PALLD: variants seen among roughly 807,000 people sequenced by gnomAD.
PALLD encodes palladin.
Under a neutral mutation model 123.5 loss-of-function variants are expected in PALLD, and 61 were observed. The observed-to-expected ratio is 0.49, with a 90% CI of 0.40 to 0.61. The LOEUF (loss-of-function observed/expected upper bound fraction) is 0.61, where lower values mean the gene tolerates loss of function less well. PALLD is among the 20% of genes least tolerant of loss of function. PALLD has a pLI of 0.00. For missense variants in PALLD, 1,273 were observed against 1,377.0 expected (o/e 0.92, Z 1.20); for synonymous variants, 465 against 496.4 (o/e 0.94, Z 0.84).
chr4:168,526,757 A>G (rs10009393), intron 2 of PALLD, among the ~76,000 whole-genome samples: 66,164 of 151,952 alleles, frequency 0.44, 15,363 homozygotes, highest in African/African-American at 0.6. Flanking sequence ...GGATAATTTT[A>G]TCAGCCAAAT....
At chr4:168,668,730 A>C (rs1779893856) in intron 3 of PALLD, among the ~76,000 whole-genome samples, 1 of 152,230 alleles carries the variant, frequency 6.6e-6, no homozygotes, top group African/African-American at 2.4e-5. Context: ...GAAATCATTC[A>C]TGAGAATTTT....
chr4:168,563,907 G>A (rs1387394069), intron 2 of PALLD, among the ~76,000 whole-genome samples: 1 of 152,174 alleles, frequency 6.6e-6, no homozygotes, highest in Non-Finnish European at 1.5e-5. Flanking sequence ...GTAATTTTGT[G>A]ACATGCATAG....
At chr4:168,910,220 C>CTTTTTTTTTTTTTT (rs70961563) in intron 15 of PALLD, among the ~76,000 whole-genome samples, 2 of 114,010 alleles carry the variant, frequency 1.8e-5, no homozygotes, top group Non-Finnish European at 3.6e-5. Context: ...AACCTGTTTA[C>CTTTTTTTTTTTTTT]TTTTTTTTTT....
chr4:168,857,294 T>C (rs1748745501), intron 10 of PALLD, among the ~76,000 whole-genome samples: 1 of 152,232 alleles, frequency 6.6e-6, no homozygotes, highest in African/African-American at 2.4e-5. Flanking sequence ...ACCCTAATGC[T>C]CCATTACATC....
In PALLD at chr4:168,854,140, C is replaced by G. The variant is rs1043878508; in HGVS notation, c.1965-36782C>G. On this transcript the variant is annotated intron_variant, in intron 10 of 21. Coordinates refer to ENST00000505667, the MANE Select transcript of PALLD (RefSeq NM_001166108.2). ...AGTGTTCAGTAAATGTTTGCTACTA[C>G]TGCCTCTGTTTACTCATGGAGTCAT... is the stretch of plus-strand genomic sequence containing the variant. Among the ~76,000 whole-genome samples, 4 of 150,308 alleles carry G rather than the reference C, an allele frequency of 2.7e-5. No individual in the cohort carries two copies. In the South Asian group the frequency reaches 8.7e-4, roughly 33 times the overall value.
intron 2 of PALLD, among the ~76,000 whole-genome samples, chr4:168,611,809 C>A (rs1349850465): frequency 6.6e-6 from 1 of 152,142 alleles, no homozygotes; most frequent in Non-Finnish European, 1.5e-5. Flanking sequence ...ATTCTCTGTC[C>A]TACTGAAAGA....
chr4:168,877,034 T>C (rs1338821678), intron 10 of PALLD, among the ~76,000 whole-genome samples: 1 of 152,264 alleles, frequency 6.6e-6, no homozygotes, highest in African/African-American at 2.4e-5. Flanking sequence ...TGCTATTGTT[T>C]ATTGAACACC....
intron 6 of PALLD, among the ~76,000 whole-genome samples, chr4:168,689,663 G>A (rs1489098636): frequency 6.6e-6 from 1 of 151,718 alleles, no homozygotes; most frequent in Non-Finnish European, 1.5e-5. Context: ...GGTCAGGCTG[G>A]TCTCGAACTG....
In PALLD at chr4:168,914,033, G is replaced by A. The variant is rs776803507; in HGVS notation, c.2717+12G>A. ...CCTCATGTCAGAAGGTATTTAACATGTTCCTTCCCAGAAGTGTTACATTAT... is the reference window on the plus strand; with the variant it reads ...CCTCATGTCAGAAGGTATTTAACATATTCCTTCCCAGAAGTGTTACATTAT... On this transcript the variant is annotated intron_variant, in intron 16 of 21. Coordinates refer to ENST00000505667, the MANE Select transcript of PALLD (RefSeq NM_001166108.2). 2 of 1,471,798 alleles carry A rather than the reference G, an allele frequency of 1.4e-6. No homozygotes were observed. Among genetic ancestry groups the A allele is most frequent in the African/African-American group, 1.4e-5 (1 of 71,872 alleles). The allele number at this position is 1,471,798 out of a possible 1,614,324, so 91.2% of individuals were successfully genotyped here. A position where few individuals can be genotyped will look rare whatever the true frequency, so the allele number is the denominator to read the frequency against.
At chr4:168,706,110 C>T (rs886201241) in intron 8 of PALLD, among the ~76,000 whole-genome samples, 22 of 152,132 alleles carry the variant, frequency 1.4e-4, no homozygotes, top group African/African-American at 4.8e-4. Flanking sequence ...ATGTCTAGAA[C>T]GTTTTCATCT....
chr4:168,697,342 A>G (rs1783228425), intron 8 of PALLD, among the ~76,000 whole-genome samples: 1 of 152,236 alleles, frequency 6.6e-6, no homozygotes, highest in South Asian at 2.1e-4. Flanking sequence ...GAGGTGGGGT[A>G]CAGGAAGCAG....
At chr4:168,920,560 G>A (rs1761265473) in intron 17 of PALLD, among the ~76,000 whole-genome samples, 1 of 152,128 alleles carries the variant, frequency 6.6e-6, no homozygotes, top group South Asian at 2.1e-4. Context: ...TCAAAATCAA[G>A]GGCAAAACTA....
chr4:168,811,542 C>T (rs996127450), intron 10 of PALLD, among the ~76,000 whole-genome samples: 2 of 152,094 alleles, frequency 1.3e-5, no homozygotes, highest in Non-Finnish European at 2.9e-5. Flanking sequence ...TGAGACCAAC[C>T]TGGAAAATAT....
chr4:168,627,916 T>C (rs1004968630), intron 2 of PALLD, among the ~76,000 whole-genome samples: 5 of 152,196 alleles, frequency 3.3e-5, no homozygotes, highest in African/African-American at 7.2e-5. Flanking sequence ...CAAAACTATC[T>C]TGAGACATCA....
At chr4:168,875,894 C>T (rs1581860289) in intron 10 of PALLD, among the ~76,000 whole-genome samples, 1 of 152,234 alleles carries the variant, frequency 6.6e-6, no homozygotes, top group South Asian at 2.1e-4. Context: ...ATCCTCACAT[C>T]AGGTACAGAG....
chr4:168,925,115 C>T (rs764365015), intron 20 of PALLD, 37 bp downstream of exon 20: 2 of 1,609,986 alleles, frequency 1.2e-6, no homozygotes, highest in Admixed American at 1.7e-5. Flanking sequence ...TGCGTTTACT[C>T]ATTAAATTAT....
rs545764135 is a variant in PALLD, at chr4:168,600,299, G to A, written c.909-67891G>A. Reference sequence around the variant, plus strand: ...TACCATTCCTAGTGGCTATTTTTGGGGATTAGACTAAAAGGACAGAGGACT... The same window carrying A: ...TACCATTCCTAGTGGCTATTTTTGGAGATTAGACTAAAAGGACAGAGGACT... On this transcript the variant is annotated intron_variant, in intron 2 of 21. Coordinates refer to ENST00000505667, the MANE Select transcript of PALLD (RefSeq NM_001166108.2). Among the ~76,000 whole-genome samples, 8 of 151,900 alleles carry A rather than the reference G, an allele frequency of 5.3e-5. No individual in the cohort carries two copies. In the South Asian group the frequency reaches 1.7e-3, roughly 32 times the overall value.
chr4:168,730,801 C>T (rs1581182940), intron 10 of PALLD, among the ~76,000 whole-genome samples: 1 of 152,080 alleles, frequency 6.6e-6, no homozygotes, highest in Non-Finnish European at 1.5e-5. Context: ...AGGGGGTTGG[C>T]TTTTATCATT....
chr4:168,582,817 T>G (rs182945224), intron 2 of PALLD, among the ~76,000 whole-genome samples: 22 of 152,306 alleles, frequency 1.4e-4, no homozygotes, highest in Admixed American at 7.8e-4. Context: ...GCTATGAATT[T>G]GGTTTGCTGG....
Sources: allele counts gnomAD v4.1 joint callset (sites outside exome capture counted in the v4.1 genomes callset), GRCh38; gene constraint gnomAD v4.1.1; transcripts MANE v1.5; gene names NCBI Gene and HGNC (gene_info 2026-07-23, HGNC 2026-07-21).